EFCAB6: variants seen among roughly 807,000 people sequenced by gnomAD.
The protein encoded by EFCAB6 is EF-hand calcium-binding domain-containing protein 6.
In EFCAB6, 156 loss-of-function variants were observed where a neutral mutation model predicts 169.8. The observed-to-expected ratio is 0.92, with a 90% CI of 0.81 to 1.05. EFCAB6 has a LOEUF of 1.05. Among genes scored for constraint, EFCAB6 ranks in the 50% least tolerant of loss-of-function variants. The pLI is 0.00. For missense variants in EFCAB6, 1,800 were observed against 1,829.1 expected (o/e 0.98, Z 0.29); for synonymous variants, 698 against 676.4 (o/e 1.03, Z -0.50).
Position 43,632,310 on chromosome 22 carries a change from T to TTTG in EFCAB6, c.2099-73_2099-72insCAA, listed in dbSNP as rs1555982096. ...TCATTCCTTCTTTTTTTTTTTTTTT[T>TTTG]TTTTTTGAGACGGAGTCTCGCTCTT... On this transcript the variant is annotated intron_variant, in intron 18 of 31. Coordinates refer to ENST00000262726, the MANE Select transcript of EFCAB6 (RefSeq NM_022785.4). 86 of 1,320,906 alleles carry TTTG rather than the reference T, an allele frequency of 6.5e-5. No homozygotes were observed. The African/African-American group carries it at 1.1e-3, about 18-fold the overall frequency. The allele number at this position is 1,320,906 out of a possible 1,614,324, so 81.8% of individuals were successfully genotyped here. A position where few individuals can be genotyped will look rare whatever the true frequency, so the allele number is the denominator to read the frequency against.
chr22:43,776,875 C>T (rs1266261231), intron 3 of EFCAB6, among the ~76,000 whole-genome samples: 1 of 152,096 alleles, frequency 6.6e-6, no homozygotes, highest in Non-Finnish European at 1.5e-5. Flanking sequence ...TCTAATACAG[C>T]CTCTGTGTGG....
intron 15 of EFCAB6, among the ~76,000 whole-genome samples, chr22:43,669,364 A>G (rs1402816520): frequency 6.6e-6 from 1 of 152,290 alleles, no homozygotes; most frequent in Non-Finnish European, 1.5e-5. Context: ...AAACCCATTC[A>G]ATGGAATACT....
intron 2 of EFCAB6, among the ~76,000 whole-genome samples, chr22:43,790,215 T>C (rs985042965): frequency 6.6e-6 from 1 of 152,194 alleles, no homozygotes; most frequent in African/African-American, 2.4e-5. Flanking sequence ...TCATGGCTTA[T>C]ACCATAAGAG....
At chr22:43,800,705 G>T (rs1299893502) in intron 2 of EFCAB6, among the ~76,000 whole-genome samples, 1 of 151,922 alleles carries the variant, frequency 6.6e-6, no homozygotes, top group African/African-American at 2.4e-5. Context: ...TTCATTAACG[G>T]CTACCAACAG....
chr22:43,584,892 G>A (rs1044828800), intron 24 of EFCAB6, among the ~76,000 whole-genome samples: 7 of 152,136 alleles, frequency 4.6e-5, no homozygotes, highest in Admixed American at 4.6e-4. Context: ...AGCTCCTAGG[G>A]AAACCCAGAA....
intron 10 of EFCAB6, among the ~76,000 whole-genome samples, chr22:43,701,672 T>C (rs56305520): frequency 0.026 from 3,992 of 151,986 alleles, 167 homozygotes; most frequent in African/African-American, 0.092. Context: ...TGGAAAAATT[T>C]TTTTTAATTT....
chr22:43,672,806 T>A (rs144046426), intron 13 of EFCAB6, among the ~76,000 whole-genome samples: 1 of 152,210 alleles, frequency 6.6e-6, no homozygotes, highest in East Asian at 1.9e-4. Flanking sequence ...TGAAATAATC[T>A]GTACAATAAA....
intron 24 of EFCAB6, among the ~76,000 whole-genome samples, chr22:43,582,092 G>T (rs2050764111): frequency 6.6e-6 from 1 of 152,148 alleles, no homozygotes; most frequent in African/African-American, 2.4e-5. Flanking sequence ...CACCCGCATT[G>T]AAAGGTGGGC....
Position 43,743,984 on chromosome 22 carries a change from T to A in EFCAB6, c.508-7991A>T, listed in dbSNP as rs915207159. ...GATGGGTGGGTGGATGATGGATAGA[T>A]AGGTAAATGGATGAATGAATGGATG... is the stretch of plus-strand genomic sequence containing the variant. On this transcript the variant is annotated intron_variant, in intron 6 of 31. Transcript: ENST00000262726. 2.8e-5 allele frequency among the ~76,000 whole-genome samples: 4 copies of A among 144,636 alleles called. No homozygotes were observed. In the Admixed American group the frequency reaches 2.9e-4, roughly 10 times the overall value. 94.9% of individuals were successfully genotyped at this position (144,636 alleles called of 152,430 possible).
intron 8 of EFCAB6, among the ~76,000 whole-genome samples, chr22:43,717,518 G>A (rs2059375922): frequency 6.6e-6 from 1 of 151,980 alleles, no homozygotes; most frequent in African/African-American, 2.4e-5. Context: ...ACATCCAATA[G>A]AACAGTAGAC....
chr22:43,534,614 C>A, intron 30 of EFCAB6, 74 bp downstream of exon 30: 1 of 1,394,286 alleles, frequency 7.2e-7, no homozygotes. Flanking sequence ...GAGTAAGACC[C>A]TGTCTTGAAA....
At chr22:43,560,946 C>T (rs974053445) in intron 26 of EFCAB6, among the ~76,000 whole-genome samples, 1 of 152,146 alleles carries the variant, frequency 6.6e-6, no homozygotes, top group African/African-American at 2.4e-5. Flanking sequence ...AACTGCGTGG[C>T]GGCGTGGGGA....
chr22:43,595,417 T>C (rs1187603342), intron 23 of EFCAB6, among the ~76,000 whole-genome samples: 1 of 151,890 alleles, frequency 6.6e-6, no homozygotes, highest in Non-Finnish European at 1.5e-5. Context: ...AAATCAGAGA[T>C]AAAAAAGGAA....
At chr22:43,791,899 G>A (rs112809767) in intron 2 of EFCAB6, among the ~76,000 whole-genome samples, 2,712 of 152,252 alleles carry the variant, frequency 0.018, 29 homozygotes, top group Non-Finnish European at 0.028. Context: ...CACTCATGAC[G>A]GCAACCTAGT....
At chr22:43,764,493 C>G (rs141300642) in intron 5 of EFCAB6, among the ~76,000 whole-genome samples, 2 of 152,098 alleles carry the variant, frequency 1.3e-5, no homozygotes, top group African/African-American at 4.8e-5. Context: ...ACTAGTGCTG[C>G]GATGAACATA....
At chr22:43,689,600 C>A (rs1411972420) in intron 10 of EFCAB6, among the ~76,000 whole-genome samples, 1 of 152,212 alleles carries the variant, frequency 6.6e-6, no homozygotes, top group Non-Finnish European at 1.5e-5. Context: ...GCCCCAAGAA[C>A]ACAGCTTCAA....
chr22:43,717,963 C>A (rs1309996691), intron 8 of EFCAB6, among the ~76,000 whole-genome samples: 1 of 152,060 alleles, frequency 6.6e-6, no homozygotes, highest in Admixed American at 6.5e-5. Flanking sequence ...GGGAAATGTT[C>A]TTTGCTATAT....
chr22:43,750,810 G>A (rs2060731198), intron 6 of EFCAB6, among the ~76,000 whole-genome samples: 1 of 152,170 alleles, frequency 6.6e-6, no homozygotes. Flanking sequence ...CTCTTTAAGA[G>A]AATGAATCTA....
intron 16 of EFCAB6, among the ~76,000 whole-genome samples, chr22:43,667,732 C>A (rs762506330): frequency 9.9e-5 from 15 of 152,128 alleles, no homozygotes; most frequent in Non-Finnish European, 1.8e-4. Context: ...CATCAAACAT[C>A]CACGGAAATG....
Sources: gnomAD v4.1 joint callset for allele counts (sites outside exome capture counted in the v4.1 genomes callset) on GRCh38, gnomAD v4.1.1 for gene constraint, MANE v1.5 for transcripts, NCBI Gene and HGNC (gene_info 2026-07-23, HGNC 2026-07-21) for gene names.